COG3: variants seen among roughly 807,000 people sequenced by gnomAD.
COG3 encodes the protein component of oligomeric golgi complex 3, also known as conserved oligomeric Golgi complex subunit 3.
COG3 carries 32 observed loss-of-function variants against 114.1 expected under a neutral mutation model. That is an observed-to-expected ratio of 0.28 (90% CI 0.21 to 0.38). COG3 has a LOEUF of 0.38. COG3 is among the 10% of genes least tolerant of loss of function. COG3 has a pLI of 1.00. For missense variants in COG3, 813 were observed against 973.2 expected (o/e 0.84, Z 2.19); for synonymous variants, 352 against 365.7 (o/e 0.96, Z 0.43).
intron 20 of COG3, among the ~76,000 whole-genome samples, chr13:45,527,100 A>G (rs970792910): frequency 6.6e-6 from 1 of 152,220 alleles, no homozygotes; most frequent in African/African-American, 2.4e-5. Flanking sequence ...TTGATGCATA[A>G]TTAACGTATT....
At chr13:45,473,851 A>G (rs1220323507) in intron 1 of COG3, among the ~76,000 whole-genome samples, 1 of 152,226 alleles carries the variant, frequency 6.6e-6, no homozygotes, top group Non-Finnish European at 1.5e-5. Flanking sequence ...TAGTGGCAGC[A>G]TACGGTTGCT....
chr13:45,499,873 T>C (rs2137850072), intron 13 of COG3, among the ~76,000 whole-genome samples: 1 of 151,942 alleles, frequency 6.6e-6, no homozygotes, highest in South Asian at 2.1e-4. Flanking sequence ...AATACAAAAA[T>C]GAGGCAGGCA....
intron 19 of COG3, among the ~76,000 whole-genome samples, chr13:45,520,496 A>G (rs1379350065): frequency 1.3e-5 from 2 of 152,194 alleles, no homozygotes; most frequent in Non-Finnish European, 2.9e-5. Flanking sequence ...GGAGACAGCT[A>G]TGCAATTGTT....
At chr13:45,534,530 AT>A in intron 22 of COG3, 171 bp from the exon 23 acceptor site, 1 of 423,254 alleles carries the variant, frequency 2.4e-6, no homozygotes, top group Non-Finnish European at 4.2e-6. Context: ...GCTTTATTTT[AT>A]TTTTCAACTT....
chr13:45,491,663 T>G (rs769995796), intron 10 of COG3, 125 bp downstream of exon 10: 2 of 867,304 alleles, frequency 2.3e-6, no homozygotes, highest in Non-Finnish European at 3.3e-6. Flanking sequence ...ATGTTTTTCA[T>G]TATGACAAAT....
At chr13:45,488,806 T>G (rs541322701) in intron 8 of COG3, among the ~76,000 whole-genome samples, 1 of 152,106 alleles carries the variant, frequency 6.6e-6, no homozygotes, top group South Asian at 2.1e-4. Flanking sequence ...TGCATATATA[T>G]TCTTTCTACT....
At chr13:45,476,061 A>G (rs1262531337) in intron 1 of COG3, 140 bp from the exon 2 acceptor site, 2 of 731,878 alleles carry the variant, frequency 2.7e-6, no homozygotes, top group Admixed American at 2.5e-5. Context: ...TTAGTACTAT[A>G]TAGTATTTAT....
chr13:45,488,931 C>G (rs1886837623), intron 8 of COG3, among the ~76,000 whole-genome samples: 1 of 151,876 alleles, frequency 6.6e-6, no homozygotes, highest in African/African-American at 2.4e-5. Context: ...CTCACACCTG[C>G]AATCCTAGTA....
intron 20 of COG3, among the ~76,000 whole-genome samples, chr13:45,528,814 A>G (rs1234801711): frequency 6.6e-6 from 1 of 152,188 alleles, no homozygotes; most frequent in Non-Finnish European, 1.5e-5. Flanking sequence ...GGAAACCTAA[A>G]TTATTTGCAG....
At chr13:45,532,374 AT>A (rs965831082) in intron 22 of COG3, among the ~76,000 whole-genome samples, 110 of 151,772 alleles carry the variant, frequency 7.2e-4, no homozygotes, top group South Asian at 2.1e-3. Flanking sequence ...ATATTTAGAG[AT>A]TTTTTTTCTA....
intron 22 of COG3, among the ~76,000 whole-genome samples, chr13:45,533,624 C>T (rs965575236): frequency 6.6e-6 from 1 of 152,216 alleles, no homozygotes; most frequent in African/African-American, 2.4e-5. Context: ...TTCATACACA[C>T]ATTTCATCAG....
In COG3 at chr13:45,483,224, T is replaced by A; in HGVS notation, c.718-6T>A. ...CACTTTGTAAATCTTTCTCTTTTCC[T>A]TACAGCCTAATTTTAAAGATTATCC... On this transcript the variant is annotated splice_region_variant and splice_polypyrimidine_tract_variant and intron_variant, in intron 6 of 22. Transcript: ENST00000349995. 1 of 1,579,870 alleles carries A rather than the reference T, an allele frequency of 6.3e-7. No homozygotes were observed. The highest frequency in any genetic ancestry group is 8.6e-7 in the Non-Finnish European group (1 of 1,156,566).
At chr13:45,519,252 T>C (rs1871853217) in intron 19 of COG3, among the ~76,000 whole-genome samples, 158 bp downstream of exon 19, 1 of 152,240 alleles carries the variant, frequency 6.6e-6, no homozygotes, top group Non-Finnish European at 1.5e-5. Flanking sequence ...TTATGGAAGC[T>C]TTCTGGTTTA....
chr13:45,471,563 A>T (rs1292649311), intron 1 of COG3, among the ~76,000 whole-genome samples: 1 of 152,204 alleles, frequency 6.6e-6, no homozygotes, highest in East Asian at 1.9e-4. Flanking sequence ...TGAGTGATTT[A>T]AAAAAAGAAA....
At chr13:45,492,063 G>T in intron 10 of COG3, 96 bp from the exon 11 acceptor site, 1 of 712,246 alleles carries the variant, frequency 1.4e-6, no homozygotes, top group South Asian at 2.0e-5. Context: ...GAGTGTGTAT[G>T]TGTTATCTCT....
intron 12 of COG3, among the ~76,000 whole-genome samples, chr13:45,495,696 TAAAG>T (rs1330573874): frequency 5.9e-5 from 9 of 152,138 alleles, no homozygotes; most frequent in African/African-American, 1.9e-4. Context: ...ATCTTAGAAA[TAAAG>T]AAATACTAAG....
At chr13:45,490,750 TA>T (rs35092321) in intron 8 of COG3, among the ~76,000 whole-genome samples, 164 bp from the exon 9 acceptor site, 23,391 of 152,042 alleles carry the variant, frequency 0.15, 2,956 homozygotes, top group African/African-American at 0.35. Context: ...AAAGAAAATA[TA>T]CTGAAATGCT....
chr13:45,474,180 T>TG (rs1421689368), intron 1 of COG3, among the ~76,000 whole-genome samples: 11 of 135,052 alleles, frequency 8.1e-5, no homozygotes, highest in African/African-American at 3.0e-4. Flanking sequence ...TTTTTTGAGA[T>TG]GGAGTCTCGC....
chr13:45,519,053 A>G lies in COG3; in HGVS notation c.2113A>G (p.Thr705Ala). The stretch of plus-strand genomic sequence containing the variant: ...CTGTGAGCAGTTTATTCAGCAGCAG[A>G]CCAAGCTGTTTGTAGAACAGCTGGA... Reference protein sequence around the residue: ...SACEQFIQQQTKLFVEQLEEF... With the variant: ...SACEQFIQQQAKLFVEQLEEF... The change falls in exon 19 of 23, where the codon ACC becomes GCC. Residue 705 changes from threonine (T) to alanine (A), a missense_variant. Physicochemically the swap from Thr to Ala is moderately conservative, Grantham distance 58. Transcript: ENST00000349995. 1 of 1,614,206 alleles carries G rather than the reference A, an allele frequency of 6.2e-7. No individual in the cohort carries two copies. Among genetic ancestry groups the G allele is most frequent in the Non-Finnish European group, 8.5e-7 (1 of 1,180,028 alleles).
Sources: gnomAD v4.1 joint callset for allele counts (sites outside exome capture counted in the v4.1 genomes callset) on GRCh38, gnomAD v4.1.1 for gene constraint, MANE v1.5 for transcripts, NCBI Gene and HGNC (gene_info 2026-07-23, HGNC 2026-07-21) for gene names.